The following FOXN2 variants were observed in gnomAD, a reference collection of about 807,000 sequenced individuals.
FOXN2 encodes the protein forkhead box protein N2.
A neutral mutation model predicts 41.2 loss-of-function variants in FOXN2; 19 were observed. The ratio of observed to expected loss-of-function variants is 0.46; its 90% confidence interval spans 0.32 to 0.68. The LOEUF is 0.68. Ranked by LOEUF, FOXN2 falls within the 30% of genes least tolerant of loss-of-function variation. The pLI is 0.03. For missense variants in FOXN2, 587 were observed against 509.4 expected (o/e 1.15, Z -1.47); for synonymous variants, 195 against 176.8 (o/e 1.10, Z -0.82).
At chr2:48,356,390 G>A (rs1165656719) in intron 3 of FOXN2, among the ~76,000 whole-genome samples, 4 of 151,490 alleles carry the variant, frequency 2.6e-5, no homozygotes, top group Non-Finnish European at 5.9e-5. Context: ...GCAGTGAGCC[G>A]AGATCGCGCC....
chr2:48,346,191 T>G lies in FOXN2; in HGVS notation c.-14-10T>G, dbSNP rs1671087933. The G allele has an allele frequency of 6.4e-7, 1 of 1,554,522 alleles. No individual in the cohort carries two copies. The highest frequency in any genetic ancestry group is 8.7e-7 in the Non-Finnish European group (1 of 1,152,974). On this transcript the variant is annotated splice_polypyrimidine_tract_variant and intron_variant, in intron 2 of 6. Transcript: ENST00000340553. ...AAGTATTACATTGATAATTGTTTCC[T>G]TTGTTGCAGAACTGTAAGAGTAAAT...
chr2:48,322,812 TAA>T (rs1669421681), intron 1 of FOXN2, among the ~76,000 whole-genome samples: 1 of 149,296 alleles, frequency 6.7e-6, no homozygotes, highest in Non-Finnish European at 1.5e-5. Flanking sequence ...ATAATTTTTT[TAA>T]GTTTACTTTG....
chr2:48,368,835 T>TA (rs1462740228), intron 5 of FOXN2, among the ~76,000 whole-genome samples: 1 of 152,254 alleles, frequency 6.6e-6, no homozygotes, highest in Non-Finnish European at 1.5e-5. Context: ...TGTTCTCTAT[T>TA]ATGATGGTGA....
At chr2:48,358,967 CT>C (rs1671986488) in intron 3 of FOXN2, 79 bp from the exon 4 acceptor site, 1 of 1,065,172 alleles carries the variant, frequency 9.4e-7, no homozygotes, top group Non-Finnish European at 1.4e-6. Flanking sequence ...TTATTTACCC[CT>C]GCACATTTAT....
chr2:48,319,224 C>T (rs562605563), intron 1 of FOXN2, among the ~76,000 whole-genome samples: 1 of 151,020 alleles, frequency 6.6e-6, no homozygotes, highest in Admixed American at 6.6e-5. Flanking sequence ...AACAGGGACC[C>T]TGGTCTCTGT....
Position 48,377,177 on chromosome 2 carries a change from TTAA to T in FOXN2, c.*1739_*1741del, listed in dbSNP as rs1023385057. 1.3e-5 allele frequency: 2 copies of T among 151,966 alleles called. No homozygotes were observed. Among genetic ancestry groups the T allele is most frequent in the African/African-American group, 4.8e-5 (2 of 41,438 alleles). The allele number at this position is 151,966 out of a possible 1,614,324, so 9.4% of individuals were successfully genotyped here. ...CAAAATATAGTAATTTTTAAATTTG[TTAA>T]TAATGAAAACCCTTAAGCATGCAGG... On this transcript the variant is annotated 3_prime_UTR_variant, in exon 7 of 7. Coordinates refer to ENST00000340553, the MANE Select transcript of FOXN2 (RefSeq NM_002158.4).
chr2:48,374,952 CA>C lies in FOXN2; in HGVS notation c.812del (p.Lys271ArgfsTer22). ...GCCTCTTCCTCTTAAAACAGCATTG[CA>C]AAAAAAGAGGAGTTACGGCAATGCA... Reference protein sequence around the residue: ...EKPLPLKTALQKKRSYGNAFH... With the variant: ...EKPLPLKTALXKKRSYGNAFH... On this transcript the variant is annotated frameshift_variant, in exon 7 of 7. Transcript: ENST00000340553. LOFTEE classifies it high-confidence loss of function. 1 of 1,612,486 alleles carries C rather than the reference CA, an allele frequency of 6.2e-7. No homozygotes were observed. Among genetic ancestry groups the C allele is most frequent in the Middle Eastern group, 1.7e-4 (1 of 6,046 alleles).
chr2:48,333,148 A>G (rs975383592), intron 2 of FOXN2, among the ~76,000 whole-genome samples: 5 of 152,152 alleles, frequency 3.3e-5, no homozygotes, highest in South Asian at 2.1e-4. Flanking sequence ...AATATTTACG[A>G]TAGACTCTAA....
At chr2:48,347,479 GA>G (rs1415833046) in intron 3 of FOXN2, among the ~76,000 whole-genome samples, 17 of 151,628 alleles carry the variant, frequency 1.1e-4, no homozygotes, top group African/African-American at 3.9e-4. Flanking sequence ...CACCCACCTT[GA>G]CCTCCCAAAG....
At chr2:48,327,589 G>A (rs1031497884) in intron 1 of FOXN2, among the ~76,000 whole-genome samples, 4 of 152,094 alleles carry the variant, frequency 2.6e-5, no homozygotes, top group African/African-American at 9.7e-5. Context: ...GGGATTACAG[G>A]CATGTGCCAC....
chr2:48,318,441 A>G (rs1038741112), intron 1 of FOXN2, among the ~76,000 whole-genome samples: 1 of 152,178 alleles, frequency 6.6e-6, no homozygotes, highest in African/African-American at 2.4e-5. Flanking sequence ...AACAGAGATG[A>G]ATTGCCAGTC....
intron 1 of FOXN2, among the ~76,000 whole-genome samples, chr2:48,319,280 G>A (rs1669133321): frequency 6.6e-6 from 1 of 152,000 alleles, no homozygotes; most frequent in African/African-American, 2.4e-5. Flanking sequence ...TGAGACTGAG[G>A]AGATAAAAAA....
chr2:48,334,989 G>C (rs913498719), intron 2 of FOXN2, among the ~76,000 whole-genome samples: 7 of 152,000 alleles, frequency 4.6e-5, no homozygotes. Flanking sequence ...AATGATCCTG[G>C]GCTGTTACTA....
chr2:48,346,278 G>T lies in FOXN2; in HGVS notation c.64G>T (p.Ala22Ser), dbSNP rs763819495. The T allele has an allele frequency of 6.2e-7, 1 of 1,614,172 alleles. No individual in the cohort carries two copies. Among genetic ancestry groups the T allele is most frequent in the Non-Finnish European group, 8.5e-7 (1 of 1,180,018 alleles). Residue 22 changes from alanine (A) to serine (S), a missense_variant, in exon 3 of 7, where the codon GCA (alanine) becomes TCA (serine). Ala to Ser is a moderately conservative substitution (Grantham distance 99). Coordinates refer to ENST00000340553, the MANE Select transcript of FOXN2 (RefSeq NM_002158.4). Reference protein sequence around the residue: ...RAETPGAEKIAGLSQIYKMGS... With the variant: ...RAETPGAEKISGLSQIYKMGS... ...TGAAACCCCAGGAGCTGAAAAGATT[G>T]CAGGATTAAGCCAGATTTACAAAAT...
chr2:48,316,865 C>T (rs1668950887), intron 1 of FOXN2, among the ~76,000 whole-genome samples: 1 of 152,090 alleles, frequency 6.6e-6, no homozygotes, highest in African/African-American at 2.4e-5. Context: ...AAAATCTGCA[C>T]AAGAACTGTA....
intron 6 of FOXN2, 118 bp from the exon 7 acceptor site, chr2:48,374,802 T>C: frequency 1.2e-6 from 1 of 845,568 alleles, no homozygotes; most frequent in Non-Finnish European, 1.8e-6. Context: ...ATAAAAAATC[T>C]ACAAAGCATC....
At chr2:48,344,678 T>C (rs1670980834) in intron 2 of FOXN2, among the ~76,000 whole-genome samples, 1 of 152,214 alleles carries the variant, frequency 6.6e-6, no homozygotes, top group Non-Finnish European at 1.5e-5. Context: ...TAACTACTTC[T>C]GGTGGTAGCT....
intron 2 of FOXN2, 22 bp downstream of exon 2, chr2:48,328,724 AATT>A (rs1218555176): frequency 6.6e-6 from 1 of 152,038 alleles, no homozygotes; most frequent in Admixed American, 6.6e-5. Flanking sequence ...TTTCTCCTTT[AATT>A]ATTATTTTTG....
In FOXN2 at chr2:48,375,275, T is replaced by G; in HGVS notation, c.1128T>G (p.Ser376=). 1 of 1,613,964 alleles carries G rather than the reference T, an allele frequency of 6.2e-7. No homozygotes were observed. Among genetic ancestry groups the G allele is most frequent in the Non-Finnish European group, 8.5e-7 (1 of 1,179,988 alleles). Residue 376 remains serine, a synonymous_variant, in exon 7 of 7, where the codon TCT becomes TCG. Transcript: ENST00000340553. ...GYASQPCAKI[S]EKGQSGKKMR... is the part of the protein sequence containing the mutation. ...CATCACAGCCTTGTGCAAAAATCTCTGAAAAAGGGCAGTCAGGCAAAAAGA... is the reference window on the plus strand; with the variant it reads ...CATCACAGCCTTGTGCAAAAATCTCGGAAAAAGGGCAGTCAGGCAAAAAGA...
Sources: gnomAD v4.1 joint callset for allele counts (sites outside exome capture counted in the v4.1 genomes callset) on GRCh38, gnomAD v4.1.1 for gene constraint, MANE v1.5 for transcripts, NCBI Gene and HGNC (gene_info 2026-07-23, HGNC 2026-07-21) for gene names.